The following NPIPB2 variants were observed in gnomAD, a reference collection of about 807,000 sequenced individuals.
The protein encoded by NPIPB2 is nuclear pore complex-interacting protein family member B2.
A neutral mutation model predicts 30.8 loss-of-function variants in NPIPB2; 27 were observed. That is an observed-to-expected ratio of 0.88 (90% CI 0.65 to 1.21). The LOEUF (loss-of-function observed/expected upper bound fraction) is 1.21. NPIPB2 is among the 50% of genes most tolerant of loss of function. The pLI, the probability that NPIPB2 is intolerant of heterozygous loss-of-function variation, is 0.00. For synonymous variants in NPIPB2, 147 were observed against 162.0 expected (o/e 0.91, Z 0.70); for missense variants, 440 against 446.2 (o/e 0.99, Z 0.13).
At chr16:11,936,351 C>G (rs962549747) in intron 2 of NPIPB2, among the ~76,000 whole-genome samples, 1 of 151,264 alleles carries the variant, frequency 6.6e-6, no homozygotes, top group African/African-American at 2.4e-5. Context: ...CCAATTTATA[C>G]CGAAAATTCT....
At chr16:11,974,283 C>T (rs951343819) in intron 1 of NPIPB2, among the ~76,000 whole-genome samples, 2 of 152,020 alleles carry the variant, frequency 1.3e-5, no homozygotes, top group African/African-American at 4.8e-5. Context: ...TTTGGGAGGC[C>T]GAGGAGGGTG....
chr16:11,927,629 G>A (rs145980981), exon 8 of NPIPB2: 65,725 of 1,599,422 alleles, frequency 0.041, 3,720 homozygotes, highest in Admixed American at 0.26. Context: ...CGCTGAGGGT[G>A]GAGCTGAGGG....
At chr16:11,970,089 C>T (rs2055227098) in intron 1 of NPIPB2, among the ~76,000 whole-genome samples, 1 of 152,058 alleles carries the variant, frequency 6.6e-6, no homozygotes, top group Non-Finnish European at 1.5e-5. Context: ...TGGCTCATGC[C>T]TGTAATCCCA....
chr16:11,951,799 G>C (rs1324257853), intron 1 of NPIPB2, among the ~76,000 whole-genome samples: 1 of 151,928 alleles, frequency 6.6e-6, no homozygotes, highest in Non-Finnish European at 1.5e-5. Context: ...AGGCCGAGGC[G>C]GGCGGATGAT....
At chr16:11,948,041 G>A (rs942404908) in intron 1 of NPIPB2, among the ~76,000 whole-genome samples, 1 of 149,728 alleles carries the variant, frequency 6.7e-6, no homozygotes, top group Admixed American at 6.8e-5. Context: ...TCTCCAGCCC[G>A]TTATCCACAT....
chr16:11,960,258 T>G (rs2055143700), intron 1 of NPIPB2, among the ~76,000 whole-genome samples: 1 of 152,290 alleles, frequency 6.6e-6, no homozygotes, highest in Admixed American at 6.5e-5. Context: ...TTTAAGTACC[T>G]GAGCAAGTAT....
At chr16:11,962,568 C>T (rs1336603655) in intron 1 of NPIPB2, among the ~76,000 whole-genome samples, 7 of 143,998 alleles carry the variant, frequency 4.9e-5, no homozygotes, top group Admixed American at 2.1e-4. Context: ...GCTGAGATAG[C>T]GCCCCTGCAC....
At chr16:11,968,000 T>A in intron 1 of NPIPB2, 15 of 852,936 alleles carry the variant, frequency 1.8e-5, no homozygotes, top group Non-Finnish European at 2.3e-5. Context: ...TATATTTCTC[T>A]AGGTTACTGT....
chr16:11,958,514 G>T (rs887780920), intron 1 of NPIPB2, among the ~76,000 whole-genome samples: 1 of 152,012 alleles, frequency 6.6e-6, no homozygotes, highest in Non-Finnish European at 1.5e-5. Flanking sequence ...TGGATGGCTT[G>T]AGTCTAGGAG....
intron 2 of NPIPB2, among the ~76,000 whole-genome samples, chr16:11,935,746 G>A (rs544148259): frequency 3.5e-5 from 5 of 141,450 alleles, no homozygotes; most frequent in Non-Finnish European, 6.1e-5. Context: ...GAGCAACCAC[G>A]TCAATCCCAC....
chr16:11,947,287 A>G (rs2055020113), intron 1 of NPIPB2, among the ~76,000 whole-genome samples: 1 of 138,282 alleles, frequency 7.2e-6, no homozygotes, highest in African/African-American at 2.7e-5. Flanking sequence ...ACATAGGTAC[A>G]TACACATATT....
chr16:11,966,350 G>C (rs1486095412), intron 1 of NPIPB2: 6 of 1,605,058 alleles, frequency 3.7e-6, no homozygotes, highest in East Asian at 2.2e-5. Context: ...AGGTTGGTTT[G>C]ATGGTGAATC....
rs2055020983 is a variant in NPIPB2, at chr16:11,947,322, T to TATA, written c.-583-5209_-583-5208insTAT. 7.5e-5 allele frequency among the ~76,000 whole-genome samples: 9 copies of TATA among 119,946 alleles called. No homozygotes were observed. In the East Asian group the frequency reaches 1.3e-3, roughly 17 times the overall value. The allele number at this position is 119,946 out of a possible 152,430, so 78.7% of individuals were successfully genotyped here. A position where few individuals can be genotyped will look rare whatever the true frequency, so the allele number is the denominator to read the frequency against. Reference sequence around the variant, plus strand: ...TTTATTTATTTATTTATTTATTTATTTATATATATATATATTTATTTATTT... The same window carrying TATA: ...TTTATTTATTTATTTATTTATTTATTATATATATATATATATATTTATTTATTT... On this transcript the variant is annotated intron_variant, in intron 1 of 5. Transcript: ENST00000538896.
chr16:11,934,333 C>A (rs545019324), intron 2 of NPIPB2, among the ~76,000 whole-genome samples: 2 of 150,822 alleles, frequency 1.3e-5, no homozygotes, highest in African/African-American at 4.9e-5. Flanking sequence ...GCAGGCGGAT[C>A]ACCTGAGGTC....
chr16:11,955,302 C>A (rs2055100554), intron 1 of NPIPB2, among the ~76,000 whole-genome samples: 1 of 129,074 alleles, frequency 7.7e-6, no homozygotes, highest in Non-Finnish European at 1.5e-5. Flanking sequence ...TGCAGTGAAC[C>A]AAGATGGTAC....
At chr16:11,964,780 T>A (rs899799410) in intron 1 of NPIPB2, among the ~76,000 whole-genome samples, 3 of 152,156 alleles carry the variant, frequency 2.0e-5, no homozygotes, top group Non-Finnish European at 2.9e-5. Flanking sequence ...CCAGGCTGAT[T>A]TTGAACTCCT....
chr16:11,937,929 T>A (rs2054889617), intron 1 of NPIPB2, among the ~76,000 whole-genome samples: 1 of 152,144 alleles, frequency 6.6e-6, no homozygotes, highest in Non-Finnish European at 1.5e-5. Flanking sequence ...ATCTTTTGAC[T>A]TCCCTGCCTA....
chr16:11,971,345 T>C (rs558420479), intron 1 of NPIPB2, among the ~76,000 whole-genome samples: 3 of 146,316 alleles, frequency 2.1e-5, no homozygotes, highest in Admixed American at 1.4e-4. Flanking sequence ...CTTTGTTTTA[T>C]ACATTTTAGG....
At chr16:11,965,318 T>C (rs1376609306) in intron 1 of NPIPB2, 1 of 1,614,166 alleles carries the variant, frequency 6.2e-7, no homozygotes, top group South Asian at 1.1e-5. Flanking sequence ...GTTTTCTTTT[T>C]GTGATCATGT....
Sources: allele counts gnomAD v4.1 joint callset (sites outside exome capture counted in the v4.1 genomes callset), GRCh38; gene constraint gnomAD v4.1.1; transcripts MANE v1.5; gene names NCBI Gene and HGNC (gene_info 2026-07-23, HGNC 2026-07-21).